FCHSD2: variants seen among roughly 807,000 people sequenced by gnomAD.
FCHSD2 encodes FCH and double SH3 domains 2.
In FCHSD2, 38 loss-of-function variants were observed where a neutral mutation model predicts 108.1. The observed-to-expected ratio is 0.35, with a 90% CI of 0.27 to 0.46. The LOEUF is 0.46. FCHSD2 is among the 20% of genes least tolerant of loss of function. The pLI is 1.00. For missense variants in FCHSD2, 751 were observed against 897.8 expected (o/e 0.84, Z 2.09); for synonymous variants, 279 against 314.7 (o/e 0.89, Z 1.20).
intron 8 of FCHSD2, among the ~76,000 whole-genome samples, chr11:72,942,999 T>C (rs948395132): frequency 4.6e-5 from 7 of 152,204 alleles, no homozygotes; most frequent in Middle Eastern, 3.4e-3. Context: ...TAATACTGAC[T>C]TTTTCTTTTG....
intron 2 of FCHSD2, among the ~76,000 whole-genome samples, chr11:73,098,240 G>A (rs563464328): frequency 8.5e-5 from 13 of 152,128 alleles, no homozygotes; most frequent in African/African-American, 2.9e-4. Flanking sequence ...GTAAGTTTTG[G>A]TATTGTATAT....
Position 72,903,229 on chromosome 11 carries a change from A to T in FCHSD2, c.829-591T>A, listed in dbSNP as rs1052653854. ...TATATATTTATTTATTTATTTATTTATTTTTTGAGACGAGTCTCGCTCTGT... is the reference window on the plus strand; with the variant it reads ...TATATATTTATTTATTTATTTATTTTTTTTTTGAGACGAGTCTCGCTCTGT... On this transcript the variant is annotated intron_variant, in intron 9 of 19. Coordinates refer to ENST00000409418, the MANE Select transcript of FCHSD2 (RefSeq NM_014824.3). Among the ~76,000 whole-genome samples the T allele has an allele frequency of 1.1e-4, 17 of 150,552 alleles. 1 individual carries two copies. In the South Asian group the frequency reaches 1.9e-3, roughly 17 times the overall value.
chr11:73,028,795 T>TC (rs1858290135), intron 3 of FCHSD2, among the ~76,000 whole-genome samples: 1 of 152,106 alleles, frequency 6.6e-6, no homozygotes, highest in African/African-American at 2.4e-5. Context: ...TGATAGTGAG[T>TC]TCTCATGAGA....
chr11:73,129,867 A>G (rs1201595865), intron 2 of FCHSD2, among the ~76,000 whole-genome samples: 2 of 147,362 alleles, frequency 1.4e-5, no homozygotes, highest in Non-Finnish European at 3.0e-5. Context: ...GATTACCTTC[A>G]TAATCTTTTT....
intron 8 of FCHSD2, among the ~76,000 whole-genome samples, chr11:72,936,718 T>C (rs887457954): frequency 2.6e-5 from 4 of 152,238 alleles, no homozygotes; most frequent in Non-Finnish European, 5.9e-5. Context: ...ACTTATAGTA[T>C]ATCTTTACTT....
intron 8 of FCHSD2, among the ~76,000 whole-genome samples, chr11:72,930,089 T>C (rs1856158530): frequency 6.6e-6 from 1 of 152,190 alleles, no homozygotes; most frequent in South Asian, 2.1e-4. Context: ...AAGTTGATTA[T>C]AAAAATTGGG....
chr11:73,067,068 A>C (rs7925466), intron 3 of FCHSD2, among the ~76,000 whole-genome samples: 57,453 of 152,034 alleles, frequency 0.38, 11,430 homozygotes, highest in East Asian at 0.55. Flanking sequence ...ACAATAGCAA[A>C]GACTTGGAAC....
At chr11:72,898,530 T>A (rs1268516586) in intron 10 of FCHSD2, among the ~76,000 whole-genome samples, 2 of 152,218 alleles carry the variant, frequency 1.3e-5, no homozygotes, top group African/African-American at 4.8e-5. Flanking sequence ...ATGGATCTCA[T>A]CCTATTACTA....
Position 72,841,496 on chromosome 11 carries a change from T to C in FCHSD2, c.2014A>G (p.Lys672Glu). ...PPSSPYPSPD[K>E]RSSLYFPRSP... ...CGGGGAAAGTACAGGGAGCTCCTCT[T>C]ATCTGGGCTGGGGTAGGGGCTGCTG... Residue 672 changes from lysine (K) to glutamate (E), a missense_variant, in exon 18 of 20, where the codon AAG (lysine) becomes GAG (glutamate). Physicochemically the swap from Lys to Glu is moderately conservative, Grantham distance 56. Coordinates refer to ENST00000409418, the MANE Select transcript of FCHSD2 (RefSeq NM_014824.3). 1 of 1,611,332 alleles carries C rather than the reference T, an allele frequency of 6.2e-7. No homozygotes were observed. The highest frequency in any genetic ancestry group is 8.5e-7 in the Non-Finnish European group (1 of 1,178,868).
At chr11:73,113,984 G>C (rs1157206526) in intron 2 of FCHSD2, among the ~76,000 whole-genome samples, 1 of 152,080 alleles carries the variant, frequency 6.6e-6, no homozygotes, top group Non-Finnish European at 1.5e-5. Flanking sequence ...ATCAGCAGGT[G>C]ATAAAGCAAG....
intron 3 of FCHSD2, among the ~76,000 whole-genome samples, chr11:73,058,455 A>C (rs1859082243): frequency 6.6e-6 from 1 of 152,196 alleles, no homozygotes; most frequent in East Asian, 1.9e-4. Context: ...CTTGATTTGA[A>C]TACTACTAGT....
chr11:72,865,321 C>G (rs1257739114), intron 13 of FCHSD2, among the ~76,000 whole-genome samples: 1 of 152,134 alleles, frequency 6.6e-6, no homozygotes, highest in Non-Finnish European at 1.5e-5. Context: ...AATATAGGTC[C>G]TCATTAAGCT....
At chr11:73,133,794 A>C (rs1294831868) in intron 2 of FCHSD2, among the ~76,000 whole-genome samples, 3 of 966 alleles carry the variant, frequency 3.1e-3, no homozygotes, top group African/African-American at 0.015. Flanking sequence ...CTCCGTCTCA[A>C]AAAAAAAAAA....
chr11:72,867,366 A>G (rs1337844975), intron 13 of FCHSD2, among the ~76,000 whole-genome samples: 4 of 152,126 alleles, frequency 2.6e-5, no homozygotes, highest in Admixed American at 2.6e-4. Context: ...CCTTGTCTGT[A>G]AAACTCACCT....
chr11:73,114,327 G>A (rs967592703), intron 2 of FCHSD2, among the ~76,000 whole-genome samples: 5 of 152,008 alleles, frequency 3.3e-5, no homozygotes, highest in Admixed American at 6.5e-5. Flanking sequence ...ACCCTTCAGC[G>A]CAGTAGGCTC....
Position 73,053,787 on chromosome 11 carries a change from C to T in FCHSD2, c.165+29908G>A, listed in dbSNP as rs182268826. ...GACAAAAAAGTTATGACTATAGCAG[C>T]GATTCTCTATATTAATAGAAGATAT... On this transcript the variant is annotated intron_variant, in intron 3 of 19. Transcript: ENST00000409418. Among the ~76,000 whole-genome samples, 126 of 152,190 alleles carry T rather than the reference C, an allele frequency of 8.3e-4. 1 individual carries two copies. The East Asian group carries it at 0.013, about 16-fold the overall frequency.
chr11:73,137,818 G>C (rs1474357018), intron 2 of FCHSD2, among the ~76,000 whole-genome samples: 1 of 152,214 alleles, frequency 6.6e-6, no homozygotes, highest in Non-Finnish European at 1.5e-5. Flanking sequence ...GGAAGAAAGA[G>C]GAAGGATGCA....
At position 72,843,229 on chromosome 11, in the gene FCHSD2, A is replaced by C; in HGVS notation, c.1627T>G (p.Leu543Val). Reference protein sequence around the residue: ...LLSMLQSLAALDSRSHTSSNS... With the variant: ...LLSMLQSLAAVDSRSHTSSNS... ...CTGGACGTGTGTGACCGACTGTCCAAAGCGGCCAGGGACTGCAGCATGCTC... is the reference window on the plus strand; with the variant it reads ...CTGGACGTGTGTGACCGACTGTCCACAGCGGCCAGGGACTGCAGCATGCTC... The change falls in exon 16 of 20, where the codon TTG becomes GTG. Residue 543 changes from leucine (L) to valine (V), a missense_variant. Transcript: ENST00000409418. 4 of 1,614,008 alleles carry C rather than the reference A, an allele frequency of 2.5e-6. No homozygotes were observed. The highest frequency in any genetic ancestry group is 3.4e-6 in the Non-Finnish European group (4 of 1,179,886).
At chr11:73,076,652 A>T (rs1749841228) in intron 3 of FCHSD2, among the ~76,000 whole-genome samples, 1 of 152,252 alleles carries the variant, frequency 6.6e-6, no homozygotes, top group African/African-American at 2.4e-5. Context: ...AAAATCATTT[A>T]ATTACATACT....
Sources: gnomAD v4.1 joint callset for allele counts (sites outside exome capture counted in the v4.1 genomes callset) on GRCh38, gnomAD v4.1.1 for gene constraint, MANE v1.5 for transcripts, NCBI Gene and HGNC (gene_info 2026-07-23, HGNC 2026-07-21) for gene names.